Variants in MACROD2 observed in about 807,000 individuals in gnomAD.
MACROD2 encodes the protein ADP-ribose glycohydrolase MACROD2.
In MACROD2, 36 loss-of-function variants were observed where a neutral mutation model predicts 70.4. The observed-to-expected ratio is 0.51, with a 90% confidence interval of 0.39 to 0.68. MACROD2 has a LOEUF of 0.68. Ranked by LOEUF, MACROD2 falls within the 30% of genes least tolerant of loss-of-function variation. MACROD2 has a pLI of 0.00. For synonymous variants in MACROD2, 172 were observed against 178.8 expected, an observed-to-expected ratio of 0.96 and a Z score of 0.30; for missense variants, 496 against 538.4, an observed-to-expected ratio of 0.92 and a Z score of 0.78.
At chr20:15,764,266 A>G (rs1451986380) in intron 8 of MACROD2, among the ~76,000 whole-genome samples, 3 of 152,144 alleles carry the variant, frequency 2.0e-5, no homozygotes, top group African/African-American at 4.8e-5. Context: ...TTTCTGTTAT[A>G]TTGATCTGAT....
At chr20:15,166,750 T>C (rs1568612600) in intron 5 of MACROD2, among the ~76,000 whole-genome samples, 1 of 151,934 alleles carries the variant, frequency 6.6e-6, no homozygotes, top group East Asian at 1.9e-4. Flanking sequence ...ATTACAAGAC[T>C]TTCCTTTAAA....
intron 5 of MACROD2, among the ~76,000 whole-genome samples, chr20:15,070,308 C>T (rs2075608831): frequency 6.6e-6 from 1 of 152,016 alleles, no homozygotes; most frequent in Admixed American, 6.6e-5. Flanking sequence ...AGGAACTTGC[C>T]ATGGGTTTCA....
chr20:16,014,809 A>G (rs1336802450), intron 15 of MACROD2, among the ~76,000 whole-genome samples: 1 of 152,038 alleles, frequency 6.6e-6, no homozygotes, highest in Non-Finnish European at 1.5e-5. Flanking sequence ...AAGGTAACTG[A>G]TTTTCATCCT....
chr20:14,034,716 C>A (rs1453465408), intron 2 of MACROD2, among the ~76,000 whole-genome samples: 1 of 152,182 alleles, frequency 6.6e-6, no homozygotes, highest in Non-Finnish European at 1.5e-5. Context: ...ATTTATTGAG[C>A]ACTTACATGG....
intron 3 of MACROD2, among the ~76,000 whole-genome samples, chr20:14,270,885 A>T (rs190255248): frequency 2.0e-5 from 3 of 152,304 alleles, no homozygotes; most frequent in Admixed American, 2.0e-4. Flanking sequence ...AATCTCACTG[A>T]TTGCTAGCAC....
intron 3 of MACROD2, among the ~76,000 whole-genome samples, chr20:14,485,476 C>T (rs545233563): frequency 1.3e-4 from 20 of 151,906 alleles, no homozygotes; most frequent in South Asian, 2.1e-4. Flanking sequence ...CTGAGGCGGG[C>T]GAATCACGAG....
chr20:15,552,097 G>A (rs2048107420), intron 8 of MACROD2: 1 of 152,044 alleles, frequency 6.6e-6, no homozygotes, highest in Non-Finnish European at 1.5e-5. Flanking sequence ...GTAAGTATAT[G>A]GAGTAGGAAC....
At chr20:14,929,099 C>T (rs1363060479) in intron 5 of MACROD2, among the ~76,000 whole-genome samples, 9 of 152,108 alleles carry the variant, frequency 5.9e-5, no homozygotes, top group East Asian at 1.9e-4. Context: ...ACTCTCATAA[C>T]GCTTCTGACA....
At chr20:14,959,798 A>G (rs2074567991) in intron 5 of MACROD2, among the ~76,000 whole-genome samples, 1 of 152,156 alleles carries the variant, frequency 6.6e-6, no homozygotes, top group African/African-American at 2.4e-5. Context: ...CTAACCCACT[A>G]GTGGGAATCC....
At chr20:15,226,304 A>G (rs925458617) in intron 5 of MACROD2, among the ~76,000 whole-genome samples, 1 of 152,192 alleles carries the variant, frequency 6.6e-6, no homozygotes, top group African/African-American at 2.4e-5. Context: ...ACTTTCTGTC[A>G]TTCCTGCCTG....
At chr20:14,659,492 A>G (rs1024800628) in intron 4 of MACROD2, among the ~76,000 whole-genome samples, 6 of 152,252 alleles carry the variant, frequency 3.9e-5, no homozygotes, top group African/African-American at 9.6e-5. Context: ...GGTTCCTTTT[A>G]GAGTGCTGTC....
chr20:15,268,723 G>A (rs1232263850), intron 6 of MACROD2, among the ~76,000 whole-genome samples: 1 of 152,142 alleles, frequency 6.6e-6, no homozygotes, highest in African/African-American at 2.4e-5. Context: ...GTTTATTTGT[G>A]TGAGTACAGA....
intron 13 of MACROD2, among the ~76,000 whole-genome samples, chr20:15,983,413 A>G (rs1309565520): frequency 6.6e-6 from 1 of 152,222 alleles, no homozygotes; most frequent in Non-Finnish European, 1.5e-5. Flanking sequence ...AAGGTCCACC[A>G]CAATACCACC....
intron 8 of MACROD2, among the ~76,000 whole-genome samples, chr20:15,746,562 TAAA>T (rs536288457): frequency 1.6e-4 from 17 of 107,064 alleles, no homozygotes; most frequent in African/African-American, 4.4e-4. Context: ...TGGTTTCCAG[TAAA>T]AAAAAAAAAA....
intron 5 of MACROD2, among the ~76,000 whole-genome samples, chr20:14,854,857 T>C (rs1429327359): frequency 1.3e-5 from 2 of 151,764 alleles, no homozygotes; most frequent in Non-Finnish European, 2.9e-5. Context: ...TCTACTAAAA[T>C]TACAGAAAAT....
At chr20:15,953,777 A>G (rs2065939498) in intron 12 of MACROD2, among the ~76,000 whole-genome samples, 1 of 152,136 alleles carries the variant, frequency 6.6e-6, no homozygotes, top group Non-Finnish European at 1.5e-5. Context: ...TATAATTTTT[A>G]TTACATTTTC....
intron 5 of MACROD2, among the ~76,000 whole-genome samples, chr20:15,206,522 AGAAAGCATT>A (rs2076703785): frequency 6.6e-6 from 1 of 151,950 alleles, no homozygotes; most frequent in Non-Finnish European, 1.5e-5. Context: ...CCATCACATC[AGAAAGCATT>A]TTATATTAAG....
At chr20:14,368,507 C>A (rs2083292924) in intron 3 of MACROD2, among the ~76,000 whole-genome samples, 1 of 151,700 alleles carries the variant, frequency 6.6e-6, no homozygotes. Context: ...CGCACCACTG[C>A]ACTCTAGCCT....
At chr20:14,488,630 G>A (rs2084761060) in intron 3 of MACROD2, among the ~76,000 whole-genome samples, 3 of 152,110 alleles carry the variant, frequency 2.0e-5, no homozygotes, top group Admixed American at 6.5e-5. Context: ...TTTATAATTT[G>A]TTAAGAGGAA....
Sources: gnomAD v4.1 joint callset for allele counts (sites outside exome capture counted in the v4.1 genomes callset) on GRCh38, gnomAD v4.1.1 for gene constraint, MANE v1.5 for transcripts, NCBI Gene and HGNC (gene_info 2026-07-23, HGNC 2026-07-21) for gene names.